TGM3: variants seen among roughly 807,000 people sequenced by gnomAD.
TGM3 encodes protein-glutamine gamma-glutamyltransferase E.
TGM3 carries 52 observed loss-of-function variants against 73.8 expected under a neutral mutation model. That is an observed-to-expected ratio of 0.70 (90% confidence interval 0.56 to 0.89). The LOEUF (loss-of-function observed/expected upper bound fraction) is 0.89, where lower values mean the gene tolerates loss of function less well. Ranked by LOEUF, TGM3 falls within the 40% of genes least tolerant of loss-of-function variation. TGM3 has a pLI of 0.00. For missense variants in TGM3, 928 were observed against 909.9 expected (o/e 1.02, Z -0.26); for synonymous variants, 372 against 354.9 (o/e 1.05, Z -0.54).
At chr20:2,306,746 G>T (rs1485732964) in intron 1 of TGM3, among the ~76,000 whole-genome samples, 2 of 152,062 alleles carry the variant, frequency 1.3e-5, no homozygotes, top group African/African-American at 4.8e-5. Context: ...CAAAATGCTG[G>T]GATTACAGGT....
chr20:2,298,505 T>A (rs1265782973), intron 1 of TGM3, among the ~76,000 whole-genome samples: 1 of 152,212 alleles, frequency 6.6e-6, no homozygotes, highest in Non-Finnish European at 1.5e-5. Flanking sequence ...AATGGCTCTG[T>A]CCCTCTGGGG....
intron 1 of TGM3, among the ~76,000 whole-genome samples, chr20:2,308,879 CTTTT>C (rs11308962): frequency 2.8e-5 from 4 of 142,508 alleles, no homozygotes; most frequent in Non-Finnish European, 3.1e-5. Context: ...CCCTTCAGTT[CTTTT>C]TTTTTTTTTT....
At position 2,311,120 on chromosome 20, in the gene TGM3, C is replaced by T; in HGVS notation, c.531C>T (p.Asn177=). 6.2e-7 allele frequency: 1 copy of T among 1,614,010 alleles called. No homozygotes were observed. The highest frequency in any genetic ancestry group is 1.3e-5 in the African/African-American group (1 of 75,014). Residue 177 remains asparagine (N), a synonymous_variant, in exon 4 of 13, where the codon AAC becomes AAT. Coordinates refer to ENST00000381458, the MANE Select transcript of TGM3 (RefSeq NM_003245.4). ...STNRIGMIGW[N]FGQFEEDILS... is the part of the protein sequence containing the mutation. The stretch of plus-strand genomic sequence containing the variant: ...ACCGAATTGGCATGATTGGCTGGAA[C>T]TTTGGACAGGTAAAAGGGTCATAAG...
intron 1 of TGM3, among the ~76,000 whole-genome samples, chr20:2,300,659 G>C (rs953675271): frequency 5.3e-4 from 80 of 152,274 alleles, no homozygotes; most frequent in Admixed American, 1.5e-3. Flanking sequence ...TCACCTGACT[G>C]GACTTCCAAA....
rs766657559 is a variant in TGM3, at chr20:2,335,164, T to C, written c.1691T>C (p.Leu564Pro). The C allele has an allele frequency of 1.8e-5, 29 of 1,614,094 alleles. No homozygotes were observed. The highest frequency in any genetic ancestry group is 6.8e-6 in the Non-Finnish European group (8 of 1,180,040). ...KISYAQYEKY[L>P]KSDNMIRITA... is the part of the protein sequence containing the mutation. Reference sequence around the variant, plus strand: ...TCGTACGCTCAGTATGAGAAGTACCTGAAGTCAGACAACATGATCCGGATC... The same window carrying C: ...TCGTACGCTCAGTATGAGAAGTACCCGAAGTCAGACAACATGATCCGGATC... Residue 564 changes from leucine (L) to proline (P), a missense_variant, in exon 11 of 13, where the codon CTG (leucine) becomes CCG (proline). Physicochemically the swap from Leu to Pro is moderately conservative, Grantham distance 98. Transcript: ENST00000381458.
intron 1 of TGM3, among the ~76,000 whole-genome samples, chr20:2,297,727 C>T (rs1402356271): frequency 1.3e-5 from 2 of 152,134 alleles, no homozygotes; most frequent in East Asian, 1.9e-4. Context: ...AGCTCAGCTC[C>T]GAGTCACTCA....
At chr20:2,324,501 G>T (rs2084276711) in intron 7 of TGM3, among the ~76,000 whole-genome samples, 1 of 152,150 alleles carries the variant, frequency 6.6e-6, no homozygotes, top group African/African-American at 2.4e-5. Flanking sequence ...CCTATCTTGG[G>T]TCACTCAACA....
chr20:2,305,673 G>T (rs561423413), intron 1 of TGM3, among the ~76,000 whole-genome samples: 1 of 152,198 alleles, frequency 6.6e-6, no homozygotes, highest in Non-Finnish European at 1.5e-5. Context: ...AGGGAGCAAG[G>T]CTCGTTGGTG....
chr20:2,323,877 G>A (rs768770016), intron 7 of TGM3, among the ~76,000 whole-genome samples: 6 of 152,120 alleles, frequency 3.9e-5, no homozygotes, highest in Admixed American at 1.3e-4. Flanking sequence ...TATAAAAATT[G>A]CCTGCTCGTT....
chr20:2,340,523 TCTC>T lies in TGM3; in HGVS notation c.2027_2029del (p.Ser676del). 4 of 1,614,132 alleles carry T rather than the reference TCTC, an allele frequency of 2.5e-6. No individual in the cohort carries two copies. Among genetic ancestry groups the T allele is most frequent in the South Asian group, 1.1e-5 (1 of 91,082 alleles). ...GGCACCAAGCAACTGCTCGCCGACTTCTCCTGCAACAAGTTCCCTGCAATCAAG... is the reference window on the plus strand; with the variant it reads ...GGCACCAAGCAACTGCTCGCCGACTTCTGCAACAAGTTCCCTGCAATCAAG... On this transcript the variant is annotated inframe_deletion, in exon 13 of 13. Coordinates refer to ENST00000381458, the MANE Select transcript of TGM3 (RefSeq NM_003245.4).
At position 2,332,283 on chromosome 20, in the gene TGM3, G is replaced by A; in HGVS notation, c.1615G>A (p.Ala539Thr). The change falls in exon 10 of 13, where the codon GCC (alanine) becomes ACC (threonine). Residue 539 changes from alanine to threonine, a missense_variant. Coordinates refer to ENST00000381458, the MANE Select transcript of TGM3 (RefSeq NM_003245.4). This position sits in a 1 kb window ranked among gnomAD's most constrained non-coding sequence, Gnocchi z 4.4. ...TGTACATGAAGTGTGGAAGGACTCTGCCACAATGTCCCTGGACCCTGAGGA... is the reference window on the plus strand; with the variant it reads ...TGTACATGAAGTGTGGAAGGACTCTACCACAATGTCCCTGGACCCTGAGGA... ...TLVHEVWKDS[A>T]TMSLDPEEEA... The A allele has an allele frequency of 6.2e-7, 1 of 1,609,046 alleles. No individual in the cohort carries two copies. The highest frequency in any genetic ancestry group is 8.5e-7 in the Non-Finnish European group (1 of 1,176,990).
At chr20:2,337,184 A>G (rs185293338) in intron 11 of TGM3, among the ~76,000 whole-genome samples, 32 of 152,264 alleles carry the variant, frequency 2.1e-4, no homozygotes, top group Middle Eastern at 6.8e-3. Flanking sequence ...CATGACTGGA[A>G]CAGATCCCCT....
chr20:2,310,135 AC>A, intron 2 of TGM3, 42 bp from the exon 3 acceptor site: 1 of 1,611,036 alleles, frequency 6.2e-7, no homozygotes. Flanking sequence ...CCACAGTCTG[AC>A]CAGTGCTTGT....
chr20:2,305,171 T>C (rs1301911312), intron 1 of TGM3, among the ~76,000 whole-genome samples: 2 of 152,160 alleles, frequency 1.3e-5, no homozygotes, highest in Admixed American at 6.5e-5. Flanking sequence ...TCATCAGTCA[T>C]TGGTGATGAA....
chr20:2,305,357 G>A (rs2084171494), intron 1 of TGM3, among the ~76,000 whole-genome samples: 1 of 152,276 alleles, frequency 6.6e-6, no homozygotes, highest in Admixed American at 6.5e-5. Context: ...CATCATTTTG[G>A]AGGTTCCAAG....
chr20:2,303,521 T>C (rs780527250), intron 1 of TGM3, among the ~76,000 whole-genome samples: 2 of 152,122 alleles, frequency 1.3e-5, no homozygotes, highest in South Asian at 2.1e-4. Context: ...GAATTGTACA[T>C]TTTAAAATGG....
chr20:2,303,583 A>G (rs935763353), intron 1 of TGM3, among the ~76,000 whole-genome samples: 3 of 152,176 alleles, frequency 2.0e-5, no homozygotes, highest in African/African-American at 7.2e-5. Flanking sequence ...TTTAAAAGAG[A>G]GAGTTCCTGG....
At chr20:2,305,411 G>A (rs214794) in intron 1 of TGM3, among the ~76,000 whole-genome samples, 113,757 of 152,130 alleles carry the variant, frequency 0.75, 44,107 homozygotes, top group East Asian at 0.93. Context: ...GATCAAATAC[G>A]TGTTTCTCAT....
chr20:2,309,134 C>T (rs550790094), intron 1 of TGM3, among the ~76,000 whole-genome samples: 1 of 152,368 alleles, frequency 6.6e-6, no homozygotes, highest in Non-Finnish European at 1.5e-5. Flanking sequence ...CTGCCTCAGC[C>T]ACACAAAGTG....
Sources: gnomAD v4.1 joint callset for allele counts (sites outside exome capture counted in the v4.1 genomes callset) on GRCh38, gnomAD v4.1.1 for gene constraint, Gnocchi (gnomAD v3.1) non-coding constraint, MANE v1.5 for transcripts, NCBI Gene and HGNC (gene_info 2026-07-23, HGNC 2026-07-21) for gene names.